The following GATAD1 variants were observed in gnomAD, a reference collection of about 807,000 sequenced individuals.
The protein encoded by GATAD1 is GATA zinc finger domain containing 1.
Under a neutral mutation model 26.5 loss-of-function variants are expected in GATAD1, and 12 were observed. The ratio of observed to expected loss-of-function variants is 0.45; its 90% CI spans 0.29 to 0.73. The LOEUF (loss-of-function observed/expected upper bound fraction) is 0.73. Among genes scored for constraint, GATAD1 ranks in the 30% least tolerant of loss-of-function variants. The probability of loss-of-function intolerance (pLI) is 0.10; values close to 1 mark genes in which losing one functional copy is unlikely to be tolerated. For missense variants in GATAD1, 266 were observed against 342.1 expected, an observed-to-expected ratio of 0.78 and a Z score of 1.75; for synonymous variants, 129 against 133.1, an observed-to-expected ratio of 0.97 and a Z score of 0.21.
At chr7:92,489,467 TAA>T in the GATAD1 span, 2 of 1,540,602 alleles carry the variant, frequency 1.3e-6, no homozygotes, top group African/African-American at 1.4e-5. Flanking sequence ...ATTAAGGATG[TAA>T]AAAAAAATGT....
chr7:92,459,245 T>C lies in GATAD1; in HGVS notation c.*2683T>C, dbSNP rs1019758375. On this transcript the variant is annotated 3_prime_UTR_variant, in exon 5 of 5. Transcript: ENST00000287957. ...TCTCCAAAAAAAAAAAAAAAAGATT[T>C]TGGAGTAGATTCATCATTAATAAGT... 2.0e-5 allele frequency: 3 copies of C among 151,966 alleles called. No individual in the cohort carries two copies. Among genetic ancestry groups the C allele is most frequent in the African/African-American group, 7.3e-5 (3 of 41,376 alleles). 9.4% of individuals were successfully genotyped at this position (151,966 alleles called of 1,614,324 possible). A position where few individuals can be genotyped will look rare whatever the true frequency, so the allele number is the denominator to read the frequency against.
chr7:92,448,743 G>T lies in GATAD1; in HGVS notation c.250-9G>T. The T allele has an allele frequency of 6.2e-7, 1 of 1,608,372 alleles. No individual in the cohort carries two copies. Among genetic ancestry groups the T allele is most frequent in the Non-Finnish European group, 8.5e-7 (1 of 1,174,996 alleles). On this transcript the variant is annotated splice_polypyrimidine_tract_variant and intron_variant, in intron 1 of 4. Transcript: ENST00000287957. ...TCTCTTTTTGTTCTTTAATTTGTTT[G>T]TGTAACAGAGTAAGCAGGAAATTCA...
At chr7:92,484,981 G>T in the GATAD1 span, among the ~76,000 whole-genome samples, 4 of 150,704 alleles carry the variant, frequency 2.7e-5, no homozygotes, top group Admixed American at 6.6e-5. Context: ...CATTTTATAG[G>T]ATTTGGGTGG....
chr7:92,481,617 G>A, the GATAD1 span, among the ~76,000 whole-genome samples: 1 of 152,188 alleles, frequency 6.6e-6, no homozygotes, highest in Non-Finnish European at 1.5e-5. Flanking sequence ...TCGGCTGTGT[G>A]TAATGAAAAG....
chr7:92,482,909 CT>C, the GATAD1 span, among the ~76,000 whole-genome samples: 19 of 152,248 alleles, frequency 1.2e-4, no homozygotes, highest in African/African-American at 4.3e-4. Flanking sequence ...GAAACAGGCC[CT>C]TGAAAAGAAG....
chr7:92,454,672 C>G lies in GATAD1; in HGVS notation c.606C>G (p.Ala202=). ...LSSPRDQFDP[A]SYIIGPEEDL... The stretch of plus-strand genomic sequence containing the variant: ...GCCCCAGAGACCAATTTGATCCCGC[C>G]TCCTATATCATAGGTAAGTTTGACA... Residue 202 remains alanine (A), a synonymous_variant, in exon 4 of 5, where the codon GCC becomes GCG. Coordinates refer to ENST00000287957, the MANE Select transcript of GATAD1 (RefSeq NM_021167.5). The G allele has an allele frequency of 6.3e-7, 1 of 1,589,226 alleles. No homozygotes were observed. Among genetic ancestry groups the G allele is most frequent in the African/African-American group, 1.4e-5 (1 of 73,696 alleles).
chr7:92,485,685 A>G, the GATAD1 span, among the ~76,000 whole-genome samples: 1 of 152,262 alleles, frequency 6.6e-6, no homozygotes, highest in Non-Finnish European at 1.5e-5. Flanking sequence ...TGAAAGCATT[A>G]CTGCTACATT....
the GATAD1 span, chr7:92,475,139 A>G: frequency 6.6e-6 from 1 of 152,126 alleles, no homozygotes; most frequent in South Asian, 2.1e-4. Flanking sequence ...TCTACAAAAG[A>G]GGTCTAGCTG....
At chr7:92,491,356 T>G in the GATAD1 span, 5 of 1,614,052 alleles carry the variant, frequency 3.1e-6, no homozygotes, top group South Asian at 5.5e-5. Context: ...TTGATTCATC[T>G]GGAAGGATCT....
chr7:92,447,998 C>T lies in GATAD1; in HGVS notation c.249+20C>T, dbSNP rs10281809. 9.9e-6 allele frequency: 12 copies of T among 1,211,288 alleles called. No individual in the cohort carries two copies. In the Admixed American group the frequency reaches 3.9e-4, roughly 40 times the overall value. 75.0% of individuals were successfully genotyped at this position (1,211,288 alleles called of 1,614,324 possible). Reference sequence around the variant, plus strand: ...AAGCAGGTGAGCTCCTCCGGCCCCTCCCGCCGGCGGAGGCCGACCAGGTGC... The same window carrying T: ...AAGCAGGTGAGCTCCTCCGGCCCCTTCCGCCGGCGGAGGCCGACCAGGTGC... On this transcript the variant is annotated intron_variant, in intron 1 of 4. Transcript: ENST00000287957.
downstream of GATAD1, among the ~76,000 whole-genome samples, chr7:92,460,776 CAAAAAAAAAAA>C (rs557542327): frequency 1.6e-4 from 10 of 63,344 alleles, no homozygotes; most frequent in Non-Finnish European, 2.7e-4. Context: ...GACCTTCTCT[CAAAAAAAAAAA>C]AAAAAAAAAA....
chr7:92,478,489 G>A, the GATAD1 span, among the ~76,000 whole-genome samples: 2 of 152,178 alleles, frequency 1.3e-5, no homozygotes, highest in African/African-American at 2.4e-5. Flanking sequence ...AGTGGCTCGT[G>A]GGGTGGCAGA....
chr7:92,460,143 G>A (rs111589702), downstream of GATAD1, among the ~76,000 whole-genome samples: 98 of 152,286 alleles, frequency 6.4e-4, no homozygotes, highest in African/African-American at 2.3e-3. Flanking sequence ...CACTTCAGCC[G>A]TAAGTAGGTG....
chr7:92,450,467 T>G (rs1789379912), intron 2 of GATAD1: 1 of 522,050 alleles, frequency 1.9e-6, no homozygotes, highest in South Asian at 2.4e-5. Context: ...AGCAGCATAA[T>G]CAGAAGGTTG....
At chr7:92,449,627 C>G in intron 2 of GATAD1, 1 of 979,116 alleles carries the variant, frequency 1.0e-6, no homozygotes, top group South Asian at 4.7e-5. Flanking sequence ...ATTTCTAAAA[C>G]ACAAAGGGAC....
intron 1 of GATAD1, among the ~76,000 whole-genome samples, chr7:92,448,242 A>G (rs1338901893): frequency 2.0e-5 from 3 of 152,262 alleles, no homozygotes; most frequent in African/African-American, 7.2e-5. Flanking sequence ...AGTCGTATAC[A>G]GTGTCATGCC....
intron 3 of GATAD1, among the ~76,000 whole-genome samples, chr7:92,451,403 G>A (rs1415106552): frequency 6.6e-6 from 1 of 152,166 alleles, no homozygotes; most frequent in African/African-American, 2.4e-5. Flanking sequence ...GACCCCCAAG[G>A]CTCGGCAGGC....
chr7:92,452,695 C>T (rs1021974402), intron 3 of GATAD1, among the ~76,000 whole-genome samples: 5 of 152,210 alleles, frequency 3.3e-5, no homozygotes, highest in Non-Finnish European at 7.3e-5. Context: ...TATATGTGTA[C>T]ACAACACAGC....
the GATAD1 span, chr7:92,471,104 A>G: frequency 6.0e-6 from 1 of 166,674 alleles, no homozygotes; most frequent in Non-Finnish European, 1.5e-5. Context: ...GAATTATTTC[A>G]TGAACTAGTG....
Sources: gnomAD v4.1 joint callset for allele counts (sites outside exome capture counted in the v4.1 genomes callset) on GRCh38, gnomAD v4.1.1 for gene constraint, MANE v1.5 for transcripts, NCBI Gene and HGNC (gene_info 2026-07-23, HGNC 2026-07-21) for gene names.